RALGPS1: variants seen among roughly 807,000 people sequenced by gnomAD.
RALGPS1 encodes the protein Ral GEF with PH domain and SH3 binding motif 1.
RALGPS1 carries 19 observed loss-of-function variants against 78.8 expected under a neutral mutation model. That is an observed-to-expected ratio of 0.24 (90% CI 0.17 to 0.35). The LOEUF is 0.35. Among genes scored for constraint, RALGPS1 ranks in the 10% least tolerant of loss-of-function variants. RALGPS1 has a pLI of 1.00. For synonymous variants in RALGPS1, 228 were observed against 256.3 expected, an observed-to-expected ratio of 0.89 and a Z score of 1.06; for missense variants, 454 against 688.3, an observed-to-expected ratio of 0.66 and a Z score of 3.81.
chr9:127,182,206 G>A (rs1011294225), intron 11 of RALGPS1, among the ~76,000 whole-genome samples: 13 of 151,182 alleles, frequency 8.6e-5, no homozygotes, highest in South Asian at 6.3e-4. Flanking sequence ...TTAGCAAGGC[G>A]TGGTAACTTG....
At chr9:126,966,520 C>CAAA (rs756980868) in intron 3 of RALGPS1, among the ~76,000 whole-genome samples, 18 of 53,328 alleles carry the variant, frequency 3.4e-4, no homozygotes, top group South Asian at 1.8e-3. Context: ...AACCCTGTCT[C>CAAA]AAAAAAAAAA....
intron 11 of RALGPS1, among the ~76,000 whole-genome samples, chr9:127,190,456 T>C (rs577946979): frequency 1.2e-4 from 19 of 152,350 alleles, no homozygotes; most frequent in African/African-American, 4.6e-4. Context: ...CCTGAGTAGC[T>C]GGGACTGCAG....
chr9:127,181,410 G>A (rs990029225), intron 11 of RALGPS1, among the ~76,000 whole-genome samples: 9 of 152,310 alleles, frequency 5.9e-5, no homozygotes, highest in African/African-American at 1.7e-4. Flanking sequence ...GCAGGTGCTC[G>A]CGCAGCCTCA....
chr9:127,017,040 C>T (rs2044903256), intron 4 of RALGPS1: 1 of 152,118 alleles, frequency 6.6e-6, no homozygotes, highest in Admixed American at 6.5e-5. Flanking sequence ...ATTTCAAAGA[C>T]TTACTACAAA....
In RALGPS1 at chr9:127,031,833, T is replaced by C. The variant is rs142303551; in HGVS notation, c.217-2598T>C. Among the ~76,000 whole-genome samples the C allele has an allele frequency of 3.3e-5, 5 of 152,342 alleles. No individual in the cohort carries two copies. The East Asian group carries it at 9.6e-4, about 29-fold the overall frequency. On this transcript the variant is annotated intron_variant, in intron 4 of 18. Coordinates refer to ENST00000259351, the MANE Select transcript of RALGPS1 (RefSeq NM_014636.3). ...TCCTTAGGAAATTGTTAAAACCCAA[T>C]AACTCCACATAGAGTTTTTGAATTA...
intron 1 of RALGPS1, among the ~76,000 whole-genome samples, chr9:126,922,690 C>T (rs946645327): frequency 6.6e-6 from 1 of 152,188 alleles, no homozygotes; most frequent in Non-Finnish European, 1.5e-5. Flanking sequence ...TCACTGTGTG[C>T]CCTGCCTTAG....
chr9:127,177,050 C>A (rs1007058853), intron 11 of RALGPS1, among the ~76,000 whole-genome samples: 1 of 152,222 alleles, frequency 6.6e-6, no homozygotes, highest in African/African-American at 2.4e-5. Flanking sequence ...TGGCACTCAC[C>A]ACAACTTGTC....
At chr9:127,042,202 G>A (rs750921395) in intron 5 of RALGPS1, among the ~76,000 whole-genome samples, 12 of 151,834 alleles carry the variant, frequency 7.9e-5, no homozygotes, top group East Asian at 1.9e-4. Flanking sequence ...TAATTCCGCC[G>A]TGGCATGTCC....
intron 8 of RALGPS1, among the ~76,000 whole-genome samples, chr9:127,071,944 C>T (rs1303208955): frequency 1.3e-5 from 2 of 152,228 alleles, no homozygotes; most frequent in East Asian, 1.9e-4. Context: ...AGAAACCCCA[C>T]GCCCATGAGC....
At chr9:127,093,855 C>G (rs1423934979) in intron 8 of RALGPS1, 1 of 1,613,984 alleles carries the variant, frequency 6.2e-7, no homozygotes, top group Non-Finnish European at 8.5e-7. Flanking sequence ...TTGGTGTTCT[C>G]CGGCTTCACC....
At chr9:127,028,164 G>A (rs986736882) in intron 4 of RALGPS1, among the ~76,000 whole-genome samples, 1 of 152,226 alleles carries the variant, frequency 6.6e-6, no homozygotes, top group Non-Finnish European at 1.5e-5. Flanking sequence ...TCCTGGGCTG[G>A]CCCTAACTCA....
chr9:127,029,789 C>G (rs2046267218), intron 4 of RALGPS1, among the ~76,000 whole-genome samples: 3 of 152,194 alleles, frequency 2.0e-5, no homozygotes, highest in Admixed American at 6.5e-5. Context: ...GTGATGGACT[C>G]CAGACACGGT....
At chr9:127,070,214 A>T (rs1459899855) in intron 8 of RALGPS1, among the ~76,000 whole-genome samples, 1 of 152,146 alleles carries the variant, frequency 6.6e-6, no homozygotes, top group Non-Finnish European at 1.5e-5. Flanking sequence ...TGAGAATCTA[A>T]TGCTGCCACT....
chr9:126,987,594 C>T (rs909719865), intron 4 of RALGPS1, among the ~76,000 whole-genome samples: 2 of 152,132 alleles, frequency 1.3e-5, no homozygotes, highest in East Asian at 1.9e-4. Context: ...GCATGGTGTA[C>T]GGTGGGCCTC....
chr9:126,935,279 G>C (rs964020119), intron 1 of RALGPS1, among the ~76,000 whole-genome samples: 1 of 152,114 alleles, frequency 6.6e-6, no homozygotes, highest in South Asian at 2.1e-4. Context: ...CTTACACACA[G>C]GAGATGCTCA....
intron 8 of RALGPS1, among the ~76,000 whole-genome samples, chr9:127,078,248 C>A (rs1168585498): frequency 1.3e-5 from 2 of 152,178 alleles, no homozygotes; most frequent in Non-Finnish European, 2.9e-5. Context: ...CAAATCTCTC[C>A]CTTCCAGAAG....
chr9:126,948,901 G>A (rs2037534656), intron 1 of RALGPS1, among the ~76,000 whole-genome samples: 1 of 151,802 alleles, frequency 6.6e-6, no homozygotes, highest in African/African-American at 2.4e-5. Flanking sequence ...GTGCCATGCT[G>A]GTGTGCTGCA....
intron 11 of RALGPS1, among the ~76,000 whole-genome samples, chr9:127,179,959 C>A (rs1286743908): frequency 6.6e-6 from 1 of 152,170 alleles, no homozygotes; most frequent in Admixed American, 6.5e-5. Context: ...GAGAGCTGGC[C>A]CCCACTTTCC....
chr9:127,145,750 TC>T (rs1474283040), intron 8 of RALGPS1, among the ~76,000 whole-genome samples: 2 of 152,188 alleles, frequency 1.3e-5, no homozygotes, highest in Non-Finnish European at 2.9e-5. Context: ...GCAAAATAAT[TC>T]CTATTCAATG....
Sources: allele counts gnomAD v4.1 joint callset (sites outside exome capture counted in the v4.1 genomes callset), GRCh38; gene constraint gnomAD v4.1.1; transcripts MANE v1.5; gene names NCBI Gene and HGNC (gene_info 2026-07-23, HGNC 2026-07-21).